Variants in NRXN1 observed in about 807,000 individuals in gnomAD.
The protein encoded by NRXN1 is neurexin 1, also known as neurexin-1.
NRXN1 carries 39 observed loss-of-function variants against 150.9 expected under a neutral mutation model. The observed-to-expected ratio is 0.26, with a 90% confidence interval of 0.20 to 0.34. NRXN1 has a LOEUF of 0.34. Ranked by LOEUF, NRXN1 falls within the 10% of genes least tolerant of loss-of-function variation. The probability of loss-of-function intolerance (pLI) is 1.00; values close to 1 mark genes in which losing one functional copy is unlikely to be tolerated. For synonymous variants in NRXN1, 924 were observed against 757.0 expected, an observed-to-expected ratio of 1.22 and a Z score of -3.62; for missense variants, 1,815 against 1,949.9, an observed-to-expected ratio of 0.93 and a Z score of 1.30.
intron 5 of NRXN1, chr2:50,918,905 G>C (rs1446581806): frequency 5.6e-6 from 1 of 178,292 alleles, no homozygotes; most frequent in African/African-American, 2.3e-5. Flanking sequence ...ACCAGCAAAA[G>C]TAAGGTTGGC....
intron 8 of NRXN1, among the ~76,000 whole-genome samples, chr2:50,567,986 A>G (rs1228795565): frequency 6.6e-5 from 10 of 152,140 alleles, no homozygotes; most frequent in Admixed American, 5.9e-4. Flanking sequence ...AGTGCCTCTC[A>G]TAAAATTAGG....
At chr2:50,427,509 A>G (rs1241156279) in intron 17 of NRXN1, among the ~76,000 whole-genome samples, 1 of 152,146 alleles carries the variant, frequency 6.6e-6, no homozygotes, top group Admixed American at 6.5e-5. Flanking sequence ...TGGTTTCTCT[A>G]GCAGATTTCC....
intron 22 of NRXN1, among the ~76,000 whole-genome samples, chr2:49,925,498 T>C (rs1487576040): frequency 6.6e-6 from 1 of 152,074 alleles, no homozygotes; most frequent in Non-Finnish European, 1.5e-5. Flanking sequence ...ATGACTAATA[T>C]GGTTAAATGT....
chr2:50,604,603 A>G (rs1022914488), intron 8 of NRXN1, among the ~76,000 whole-genome samples: 9 of 152,030 alleles, frequency 5.9e-5, no homozygotes, highest in African/African-American at 2.2e-4. Context: ...CTCGACTCTT[A>G]TCTCTATTTT....
chr2:50,305,166 C>G (rs1471230676), intron 17 of NRXN1, among the ~76,000 whole-genome samples: 4 of 152,126 alleles, frequency 2.6e-5, no homozygotes, highest in Admixed American at 2.6e-4. Context: ...ACATTACCAG[C>G]AGGCAAAACA....
chr2:50,167,480 G>T (rs2059758997), intron 18 of NRXN1, among the ~76,000 whole-genome samples: 1 of 151,740 alleles, frequency 6.6e-6, no homozygotes, highest in Non-Finnish European at 1.5e-5. Context: ...CTGGCATCTG[G>T]TGCTATTGGC....
chr2:50,677,913 A>G (rs1481809699), intron 5 of NRXN1, among the ~76,000 whole-genome samples: 1 of 152,152 alleles, frequency 6.6e-6, no homozygotes, highest in Non-Finnish European at 1.5e-5. Flanking sequence ...ACGACATCTC[A>G]GAAATTATTT....
At chr2:50,398,775 G>A (rs967927111) in intron 17 of NRXN1, among the ~76,000 whole-genome samples, 24 of 152,114 alleles carry the variant, frequency 1.6e-4, no homozygotes, top group Non-Finnish European at 5.9e-5. Context: ...TTCCTCATGT[G>A]TTTTCTATTG....
chr2:50,782,752 T>C lies in NRXN1; in HGVS notation c.832+139117A>G, dbSNP rs540799086. On this transcript the variant is annotated intron_variant, in intron 5 of 22. Transcript: ENST00000401669. ...CTCTCCAGAATGTAATCATTATTTC[T>C]GGGTTATGGCTGGTTCTAAACCTAA... Among the ~76,000 whole-genome samples, 3 of 152,312 alleles carry C rather than the reference T, an allele frequency of 2.0e-5. No individual in the cohort carries two copies. In the East Asian group the frequency reaches 5.8e-4, roughly 29 times the overall value.
At chr2:50,166,765 G>C (rs1265125414) in intron 18 of NRXN1, among the ~76,000 whole-genome samples, 1 of 152,088 alleles carries the variant, frequency 6.6e-6, no homozygotes, top group East Asian at 1.9e-4. Flanking sequence ...CATTTCATGT[G>C]AGGTCTTGTC....
chr2:50,573,310 C>G (rs1364495112), intron 8 of NRXN1, among the ~76,000 whole-genome samples: 1 of 151,830 alleles, frequency 6.6e-6, no homozygotes, highest in African/African-American at 2.4e-5. Context: ...CTGCAATGAA[C>G]CGTAACTGCA....
chr2:50,730,639 G>GACT lies in NRXN1; in HGVS notation c.833-107027_833-107025dup, dbSNP rs544402549. Among the ~76,000 whole-genome samples, 1,037 of 149,412 alleles carry GACT rather than the reference G, an allele frequency of 6.9e-3. 3 individuals are homozygous for GACT. The highest frequency in any genetic ancestry group is 0.014 in the Middle Eastern group (4 of 288). ...ATGTCTTCATTTTTTCGTCCACTTT[G>GACT]ACTACAAAATCTTCCTTTATCTTTC... On this transcript the variant is annotated intron_variant, in intron 5 of 22. Transcript: ENST00000401669.
chr2:50,612,064 G>T (rs1450441800), intron 8 of NRXN1, among the ~76,000 whole-genome samples: 2 of 152,110 alleles, frequency 1.3e-5, no homozygotes, highest in Admixed American at 1.3e-4. Context: ...ATTGTAATAT[G>T]ATACGGGGAG....
intron 8 of NRXN1, among the ~76,000 whole-genome samples, chr2:50,556,358 A>C (rs2105364707): frequency 6.6e-6 from 1 of 152,206 alleles, no homozygotes; most frequent in African/African-American, 2.4e-5. Flanking sequence ...TTATTCATAT[A>C]TTTTTAATTC....
In NRXN1 at chr2:50,449,233, G is replaced by C. The variant is rs577630734; in HGVS notation, c.3364+16209C>G. The stretch of plus-strand genomic sequence containing the variant: ...GCATTTAGCCTGCTAAACCAGTGGA[G>C]ATTACCAAAAAGTAAAAGTAATGTA... On this transcript the variant is annotated intron_variant, in intron 17 of 22. Transcript: ENST00000401669. Among the ~76,000 whole-genome samples, 3 of 152,302 alleles carry C rather than the reference G, an allele frequency of 2.0e-5. No individual in the cohort carries two copies. In the South Asian group the frequency reaches 6.2e-4, roughly 32 times the overall value.
intron 18 of NRXN1, among the ~76,000 whole-genome samples, chr2:50,168,366 C>A (rs994657455): frequency 6.6e-6 from 1 of 152,156 alleles, no homozygotes; most frequent in Non-Finnish European, 1.5e-5. Flanking sequence ...ATAAACCATA[C>A]TGAAGATAGC....
intron 15 of NRXN1, among the ~76,000 whole-genome samples, chr2:50,473,604 T>C (rs546405862): frequency 6.6e-6 from 1 of 152,028 alleles, no homozygotes; most frequent in Non-Finnish European, 1.5e-5. Flanking sequence ...GAACTTTCTT[T>C]CTCATGTTAA....
chr2:50,710,775 CT>C (rs35302991), intron 5 of NRXN1, among the ~76,000 whole-genome samples: 4 of 152,070 alleles, frequency 2.6e-5, no homozygotes, highest in Admixed American at 2.6e-4. Context: ...TGCTTCTCTG[CT>C]TTTTTTGGCA....
intron 2 of NRXN1, among the ~76,000 whole-genome samples, chr2:51,016,061 T>C (rs1462429042): frequency 5.3e-5 from 8 of 151,942 alleles, no homozygotes; most frequent in African/African-American, 1.9e-4. Flanking sequence ...ACCTCAGAAA[T>C]AATGCCACAC....
Sources: allele counts gnomAD v4.1 joint callset (sites outside exome capture counted in the v4.1 genomes callset), GRCh38; gene constraint gnomAD v4.1.1; transcripts MANE v1.5; gene names NCBI Gene and HGNC (gene_info 2026-07-23, HGNC 2026-07-21).